CRTAC1: variants seen among roughly 807,000 people sequenced by gnomAD.
The protein encoded by CRTAC1 is acidic secreted protein in cartilage.
CRTAC1 carries 37 observed loss-of-function variants against 67.8 expected under a neutral mutation model. The ratio of observed to expected loss-of-function variants is 0.55; its 90% CI spans 0.42 to 0.72. CRTAC1 has a LOEUF of 0.72. Among genes scored for constraint, CRTAC1 ranks in the 30% least tolerant of loss-of-function variants. The probability of loss-of-function intolerance (pLI) is 0.00; values close to 1 mark genes in which losing one functional copy is unlikely to be tolerated. For missense variants in CRTAC1, 780 were observed against 931.6 expected (o/e 0.84, Z 2.12); for synonymous variants, 348 against 371.0 (o/e 0.94, Z 0.71).
At position 98,011,236 on chromosome 10, in the gene CRTAC1, A is replaced by G; in HGVS notation, c.126T>C (p.Val42=). ...EPMFTAVTNS[V]LPPDYDSNPT... ...GATTACTGTCATAGTCAGGAGGCAG[A>G]ACTGAGTTGGTGACTGCAGTGAACA... The change falls in exon 2 of 15, where the codon GTT becomes GTC. Residue 42 remains valine, a synonymous_variant. Transcript: ENST00000370597. The G allele has an allele frequency of 6.2e-7, 1 of 1,614,218 alleles. No individual in the cohort carries two copies. Among genetic ancestry groups the G allele is most frequent in the Non-Finnish European group, 8.5e-7 (1 of 1,180,024 alleles).
intron 2 of CRTAC1, among the ~76,000 whole-genome samples, chr10:98,003,051 G>T (rs1842724316): frequency 1.3e-5 from 2 of 151,916 alleles, no homozygotes; most frequent in Admixed American, 1.3e-4. Context: ...CCAAAGTGCT[G>T]GGATTACAGG....
intron 6 of CRTAC1, among the ~76,000 whole-genome samples, chr10:97,906,123 T>C (rs901699890): frequency 3.3e-5 from 5 of 152,074 alleles, no homozygotes; most frequent in Non-Finnish European, 7.4e-5. Context: ...TGGGGCCCCC[T>C]GAGAACCCTG....
At chr10:97,914,404 G>A (rs764417656) in intron 5 of CRTAC1, among the ~76,000 whole-genome samples, 28 of 152,230 alleles carry the variant, frequency 1.8e-4, no homozygotes, top group African/African-American at 5.8e-4. Context: ...GGCACTGCCC[G>A]TGTGCCAGGC....
In CRTAC1 at chr10:98,030,285, C is replaced by T. The variant is rs997692656; in HGVS notation, c.24+164G>A. On this transcript the variant is annotated intron_variant, in intron 1 of 14. Coordinates refer to ENST00000370597, the MANE Select transcript of CRTAC1 (RefSeq NM_018058.7). The surrounding 1 kb of genome is among the most constrained non-coding windows in gnomAD (Gnocchi z 4.2). Reference sequence around the variant, plus strand: ...GGCTCCGCGCGCCAATCGAGTCCAGCGCCTCCCAGCAAGTTAGGAGCGAAG... The same window carrying T: ...GGCTCCGCGCGCCAATCGAGTCCAGTGCCTCCCAGCAAGTTAGGAGCGAAG... Among the ~76,000 whole-genome samples, 2 of 152,172 alleles carry T rather than the reference C, an allele frequency of 1.3e-5. No homozygotes were observed. The highest frequency in any genetic ancestry group is 2.9e-5 in the Non-Finnish European group (2 of 68,008).
At position 97,865,728 on chromosome 10, in the gene CRTAC1, T is replaced by A; in HGVS notation, c.1820-14A>T. 1 of 1,582,002 alleles carries A rather than the reference T, an allele frequency of 6.3e-7. No individual in the cohort carries two copies. The highest frequency in any genetic ancestry group is 8.6e-7 in the Non-Finnish European group (1 of 1,162,504). On this transcript the variant is annotated splice_polypyrimidine_tract_variant and intron_variant, in intron 14 of 14. Transcript: ENST00000370597. ...GGCCGAGAGTCCCTGTAGGGAGGTG[T>A]ATGGCCGGAGTGAGGGCCTTGCAGA...
At chr10:97,923,779 TG>T (rs1159814098) in intron 3 of CRTAC1, among the ~76,000 whole-genome samples, 3 of 152,168 alleles carry the variant, frequency 2.0e-5, no homozygotes, top group African/African-American at 7.2e-5. Flanking sequence ...CAACCCAGGA[TG>T]GCTCTTTCTC....
At chr10:97,961,620 G>T (rs1025929348) in intron 2 of CRTAC1, among the ~76,000 whole-genome samples, 5 of 152,160 alleles carry the variant, frequency 3.3e-5, no homozygotes, top group African/African-American at 1.2e-4. Context: ...AACCTCTATA[G>T]GGCCTTATGA....
At chr10:97,932,151 G>A (rs1194803908) in intron 3 of CRTAC1, among the ~76,000 whole-genome samples, 1 of 152,076 alleles carries the variant, frequency 6.6e-6, no homozygotes, top group Non-Finnish European at 1.5e-5. Context: ...GTTACAATGC[G>A]GTCCTTTTCT....
chr10:98,018,033 C>T (rs931440195), intron 1 of CRTAC1, among the ~76,000 whole-genome samples: 4 of 150,986 alleles, frequency 2.6e-5, no homozygotes, highest in African/African-American at 9.7e-5. Flanking sequence ...CCCGTCTCTA[C>T]TAAAAATACA....
rs10683960 is a variant in CRTAC1 at position 98,005,100 on chromosome 10, A to ATTTTTTTTT, written c.224+6029_224+6037dup. On this transcript the variant is annotated intron_variant, in intron 2 of 14. Coordinates refer to ENST00000370597, the MANE Select transcript of CRTAC1 (RefSeq NM_018058.7). ...GTAATACATATATATATATATATAT[A>ATTTTTTTTT]TTTTTTTTTTTTTTTTTTTTTGAGA... is the stretch of plus-strand genomic sequence containing the variant. Among the ~76,000 whole-genome samples the ATTTTTTTTT allele has an allele frequency of 6.1e-4, 30 of 48,884 alleles. 1 individual carries two copies. Among genetic ancestry groups the ATTTTTTTTT allele is most frequent in the African/African-American group, 3.0e-3 (26 of 8,688 alleles). 32.1% of individuals were successfully genotyped at this position (48,884 alleles called of 152,430 possible).
At chr10:97,990,070 G>A (rs115363791) in intron 2 of CRTAC1, among the ~76,000 whole-genome samples, 1,869 of 152,304 alleles carry the variant, frequency 0.012, 45 homozygotes, top group African/African-American at 0.041. Context: ...ACTTTCAGGT[G>A]TGACGATACC....
chr10:97,872,766 C>G (rs1368814258), intron 14 of CRTAC1, among the ~76,000 whole-genome samples: 1 of 152,114 alleles, frequency 6.6e-6, no homozygotes, highest in Non-Finnish European at 1.5e-5. Context: ...GGATGGGTAC[C>G]GATCGCCCCT....
intron 6 of CRTAC1, among the ~76,000 whole-genome samples, chr10:97,907,359 G>C (rs1590199427): frequency 6.6e-6 from 1 of 152,080 alleles, no homozygotes; most frequent in East Asian, 1.9e-4. Context: ...AGGTAGAGAA[G>C]GGGGAGGGCA....
intron 2 of CRTAC1, among the ~76,000 whole-genome samples, chr10:97,957,416 G>T (rs1404089975): frequency 6.6e-6 from 1 of 152,044 alleles, no homozygotes; most frequent in African/African-American, 2.4e-5. Context: ...GTTTATTGAG[G>T]GCTTACTATA....
intron 3 of CRTAC1, among the ~76,000 whole-genome samples, chr10:97,931,830 AC>A (rs999694042): frequency 5.9e-5 from 9 of 151,750 alleles, no homozygotes; most frequent in African/African-American, 2.2e-4. Flanking sequence ...CTAGTGTGTG[AC>A]CCCCCCCAGG....
chr10:97,875,741 C>G (rs568419221), intron 14 of CRTAC1: 1 of 152,240 alleles, frequency 6.6e-6, no homozygotes. Context: ...CCTGTCTACA[C>G]GGGGCTCTTG....
intron 14 of CRTAC1, chr10:97,867,245 AAGG>A: frequency 6.6e-6 from 1 of 152,462 alleles, no homozygotes; most frequent in South Asian, 2.1e-4. Flanking sequence ...CTTGCAAGGA[AAGG>A]AGATGTCCAG....
intron 1 of CRTAC1, among the ~76,000 whole-genome samples, chr10:98,023,603 G>T (rs1042581645): frequency 6.6e-6 from 1 of 152,192 alleles, no homozygotes; most frequent in Non-Finnish European, 1.5e-5. Context: ...GCATGATGAT[G>T]ATTTCTAAGA....
intron 2 of CRTAC1, among the ~76,000 whole-genome samples, chr10:97,959,847 C>G (rs1249709991): frequency 6.6e-6 from 1 of 152,186 alleles, no homozygotes; most frequent in Admixed American, 6.5e-5. Context: ...AGGGGTTTGG[C>G]ACAACATCCT....
Sources: allele counts gnomAD v4.1 joint callset (sites outside exome capture counted in the v4.1 genomes callset), GRCh38; gene constraint gnomAD v4.1.1; non-coding constraint Gnocchi (gnomAD v3.1); transcripts MANE v1.5; gene names NCBI Gene and HGNC (gene_info 2026-07-23, HGNC 2026-07-21).